SLC24A2: variants seen among roughly 807,000 people sequenced by gnomAD.
SLC24A2 encodes the protein sodium/potassium/calcium exchanger 2.
In SLC24A2, 36 loss-of-function variants were observed where a neutral mutation model predicts 62.0. The ratio of observed to expected loss-of-function variants is 0.58; its 90% confidence interval spans 0.44 to 0.77. SLC24A2 has a LOEUF of 0.77. Among genes scored for constraint, SLC24A2 ranks in the 30% least tolerant of loss-of-function variants. SLC24A2 has a pLI of 0.00. For synonymous variants in SLC24A2, 358 were observed against 294.0 expected, an observed-to-expected ratio of 1.22 and a Z score of -2.23; for missense variants, 846 against 817.9, an observed-to-expected ratio of 1.03 and a Z score of -0.42.
At chr9:19,581,325 G>C (rs1005328354) in intron 5 of SLC24A2, among the ~76,000 whole-genome samples, 4 of 152,144 alleles carry the variant, frequency 2.6e-5, no homozygotes, top group African/African-American at 7.2e-5. Context: ...TCTTAAAATG[G>C]GGACATGATG....
At chr9:20,294,190 C>A in the SLC24A2 span, among the ~76,000 whole-genome samples, 4 of 152,250 alleles carry the variant, frequency 2.6e-5, no homozygotes, top group East Asian at 3.9e-4. Flanking sequence ...CAGTACAGAT[C>A]CCATATCTGT....
chr9:20,084,328 G>C, the SLC24A2 span, among the ~76,000 whole-genome samples: 1 of 152,180 alleles, frequency 6.6e-6, no homozygotes, highest in African/African-American at 2.4e-5. Context: ...AGAGCCAATG[G>C]TGTACATCTC....
chr9:20,293,493 T>C, the SLC24A2 span, among the ~76,000 whole-genome samples: 1 of 152,150 alleles, frequency 6.6e-6, no homozygotes, highest in African/African-American at 2.4e-5. Context: ...TGGCTGGCTG[T>C]GGCCAAAAAA....
the SLC24A2 span, chr9:19,967,340 T>C: frequency 3.9e-5 from 6 of 152,306 alleles, no homozygotes; most frequent in South Asian, 1.2e-3. Context: ...CATACTTGTA[T>C]GTGTAAGTGA....
At chr9:20,227,152 G>C in the SLC24A2 span, among the ~76,000 whole-genome samples, 8 of 151,938 alleles carry the variant, frequency 5.3e-5, no homozygotes, top group Admixed American at 4.6e-4. Flanking sequence ...TTTTGAAAAT[G>C]GTCAGATTTT....
the SLC24A2 span, among the ~76,000 whole-genome samples, chr9:20,135,346 A>G: frequency 1.7e-5 from 2 of 118,186 alleles, no homozygotes; most frequent in African/African-American, 6.7e-5. Context: ...TTAATTTTTA[A>G]TTACAATTTA....
At chr9:19,738,021 A>G (rs1299676751) in intron 2 of SLC24A2, among the ~76,000 whole-genome samples, 1 of 152,218 alleles carries the variant, frequency 6.6e-6, no homozygotes, top group African/African-American at 2.4e-5. Context: ...AATGTTGCTA[A>G]TTTACGAATA....
the SLC24A2 span, among the ~76,000 whole-genome samples, chr9:19,961,945 A>C: frequency 2.6e-5 from 4 of 152,318 alleles, no homozygotes; most frequent in African/African-American, 9.6e-5. Context: ...ACCCAGATAA[A>C]CCACTCCTAG....
chr9:20,156,505 T>C, the SLC24A2 span, among the ~76,000 whole-genome samples: 2 of 151,800 alleles, frequency 1.3e-5, no homozygotes, highest in Non-Finnish European at 2.9e-5. Flanking sequence ...CTGGATCCTA[T>C]TTGCAACATC....
chr9:19,758,354 T>A (rs1822208958), intron 2 of SLC24A2, among the ~76,000 whole-genome samples: 1 of 152,138 alleles, frequency 6.6e-6, no homozygotes, highest in Non-Finnish European at 1.5e-5. Context: ...TCAACCCCAG[T>A]TTCCCATCCC....
the SLC24A2 span, among the ~76,000 whole-genome samples, chr9:20,090,529 C>T: frequency 1.3e-5 from 2 of 152,090 alleles, no homozygotes; most frequent in Non-Finnish European, 2.9e-5. Flanking sequence ...TACCAACCGA[C>T]CACTATAGCT....
chr9:19,524,604 G>C (rs1395526156), intron 9 of SLC24A2, among the ~76,000 whole-genome samples: 6 of 152,188 alleles, frequency 3.9e-5, no homozygotes, highest in Non-Finnish European at 8.8e-5. Context: ...AACAGAATTA[G>C]AGCTAGACTT....
chr9:19,726,792 G>T (rs1821184980), intron 2 of SLC24A2, among the ~76,000 whole-genome samples: 1 of 152,128 alleles, frequency 6.6e-6, no homozygotes, highest in Non-Finnish European at 1.5e-5. Flanking sequence ...CTGTAGAATT[G>T]ATCTATCCCA....
the SLC24A2 span, among the ~76,000 whole-genome samples, chr9:20,216,509 G>A: frequency 6.6e-6 from 1 of 152,172 alleles, no homozygotes; most frequent in Non-Finnish European, 1.5e-5. Context: ...ATTGTTAGAT[G>A]TTTCTGTTAA....
At chr9:20,120,631 T>A in the SLC24A2 span, among the ~76,000 whole-genome samples, 1 of 152,112 alleles carries the variant, frequency 6.6e-6, no homozygotes, top group African/African-American at 2.4e-5. Flanking sequence ...TAGAATTATC[T>A]GTATATCAAA....
chr9:19,640,132 T>C (rs545317531), intron 2 of SLC24A2, among the ~76,000 whole-genome samples: 44 of 152,342 alleles, frequency 2.9e-4, no homozygotes, highest in African/African-American at 9.6e-4. Context: ...AATAAAATTA[T>C]GATCATAACA....
chr9:19,929,865 A>G, the SLC24A2 span: 1 of 152,186 alleles, frequency 6.6e-6, no homozygotes, highest in African/African-American at 2.4e-5. Context: ...GCTAATGTAC[A>G]TGTTTGTGTC....
chr9:19,963,860 C>T, the SLC24A2 span, among the ~76,000 whole-genome samples: 1 of 152,070 alleles, frequency 6.6e-6, no homozygotes, highest in Non-Finnish European at 1.5e-5. Flanking sequence ...CCAGCCATCC[C>T]ATTACTGGGT....
the SLC24A2 span, among the ~76,000 whole-genome samples, chr9:20,228,353 G>T: frequency 1.3e-5 from 2 of 151,964 alleles, no homozygotes; most frequent in African/African-American, 2.4e-5. Flanking sequence ...AGTACAGAGC[G>T]CTCTGAGTTG....
Sources: gnomAD v4.1 joint callset for allele counts (sites outside exome capture counted in the v4.1 genomes callset) on GRCh38, gnomAD v4.1.1 for gene constraint, MANE v1.5 for transcripts, NCBI Gene and HGNC (gene_info 2026-07-23, HGNC 2026-07-21) for gene names.